The following PDGFD variants were observed in gnomAD, a reference collection of about 807,000 sequenced individuals.
The protein encoded by PDGFD is platelet-derived growth factor D.
PDGFD carries 30 observed loss-of-function variants against 44.7 expected under a neutral mutation model. The ratio of observed to expected loss-of-function variants is 0.67; its 90% CI spans 0.50 to 0.91. The LOEUF (loss-of-function observed/expected upper bound fraction) is 0.91. Among genes scored for constraint, PDGFD ranks in the 40% least tolerant of loss-of-function variants. The pLI is 0.00. For synonymous variants in PDGFD, 173 were observed against 168.4 expected, an observed-to-expected ratio of 1.03 and a Z score of -0.21; for missense variants, 445 against 457.8, an observed-to-expected ratio of 0.97 and a Z score of 0.25.
At chr11:104,022,889 G>A (rs1443006322) in intron 1 of PDGFD, among the ~76,000 whole-genome samples, 1 of 151,862 alleles carries the variant, frequency 6.6e-6, no homozygotes, top group Non-Finnish European at 1.5e-5. Flanking sequence ...ACACTATGTA[G>A]GTAGTAACTA....
intron 1 of PDGFD, among the ~76,000 whole-genome samples, chr11:104,152,728 C>CA (rs1353226509): frequency 6.6e-6 from 1 of 151,908 alleles, no homozygotes; most frequent in Non-Finnish European, 1.5e-5. Flanking sequence ...GATAATTCTC[C>CA]AAAATTAACC....
chr11:104,120,980 T>C (rs1173653057), intron 1 of PDGFD, among the ~76,000 whole-genome samples: 1 of 151,976 alleles, frequency 6.6e-6, no homozygotes, highest in East Asian at 1.9e-4. Context: ...TAAAACTGCA[T>C]TGACTAACCT....
intron 1 of PDGFD, among the ~76,000 whole-genome samples, chr11:104,072,727 A>G (rs992077896): frequency 5.3e-5 from 8 of 151,990 alleles, no homozygotes; most frequent in Admixed American, 5.2e-4. Context: ...TATATTTTAT[A>G]ATATGGAGTT....
chr11:103,925,716 C>CATATATATAT (rs370841769), intron 6 of PDGFD, among the ~76,000 whole-genome samples: 6 of 122,770 alleles, frequency 4.9e-5, no homozygotes, highest in African/African-American at 1.9e-4. Context: ...CACACACACA[C>CATATATATAT]ATATATATAT....
intron 1 of PDGFD, among the ~76,000 whole-genome samples, chr11:104,108,433 A>C (rs1861500341): frequency 6.6e-6 from 1 of 152,210 alleles, no homozygotes. Flanking sequence ...TTATGCAGCC[A>C]AAAGACACAT....
intron 1 of PDGFD, among the ~76,000 whole-genome samples, chr11:104,142,891 C>T (rs1862105731): frequency 6.6e-6 from 1 of 152,152 alleles, no homozygotes; most frequent in Non-Finnish European, 1.5e-5. Context: ...CGCCTGCATT[C>T]AGGGTGTCTG....
intron 1 of PDGFD, among the ~76,000 whole-genome samples, chr11:104,071,029 T>C (rs1259917940): frequency 2.0e-5 from 3 of 152,144 alleles, no homozygotes; most frequent in Non-Finnish European, 4.4e-5. Context: ...AAATGCCTGC[T>C]CCCTCACTGC....
chr11:103,947,662 T>C lies in PDGFD; in HGVS notation c.573A>G (p.Ser191=). 7 of 1,612,638 alleles carry C rather than the reference T, an allele frequency of 4.3e-6. No homozygotes were observed. Among genetic ancestry groups the C allele is most frequent in the Non-Finnish European group, 5.9e-6 (7 of 1,178,752 alleles). ...GGCAACAGAGTAATAAATTACTTACTGAAATAGAGCTTGTGACAGATTCCC... is the reference window on the plus strand; with the variant it reads ...GGCAACAGAGTAATAAATTACTTACCGAAATAGAGCTTGTGACAGATTCCC... The part of the protein sequence containing the change: ...TNWESVTSSI[S]GVSYNSPSVT... Residue 191 remains serine (S), a splice_region_variant and synonymous_variant, in exon 4 of 7, where the codon TCA becomes TCG. Coordinates refer to ENST00000393158, the MANE Select transcript of PDGFD (RefSeq NM_025208.5).
At chr11:104,038,802 G>A (rs1314745840) in intron 1 of PDGFD, 1 of 166,992 alleles carries the variant, frequency 6.0e-6, no homozygotes, top group Non-Finnish European at 1.5e-5. Flanking sequence ...GTACAGTGGT[G>A]GGAATGAGAG....
intron 6 of PDGFD, among the ~76,000 whole-genome samples, chr11:103,915,478 C>A (rs1013857103): frequency 6.6e-6 from 1 of 152,138 alleles, no homozygotes; most frequent in Admixed American, 6.6e-5. Flanking sequence ...ACATTCCATG[C>A]TCACAGATAG....
At chr11:103,966,009 T>C (rs982612381) in intron 3 of PDGFD, among the ~76,000 whole-genome samples, 2 of 152,094 alleles carry the variant, frequency 1.3e-5, no homozygotes, top group Admixed American at 1.3e-4. Context: ...TATTTCCAAA[T>C]AGGACAAGGA....
intron 3 of PDGFD, among the ~76,000 whole-genome samples, chr11:103,957,568 C>A (rs571192093): frequency 1.3e-5 from 2 of 152,214 alleles, no homozygotes; most frequent in Admixed American, 1.3e-4. Context: ...TGCCGCATAT[C>A]TACAACTATC....
chr11:104,090,772 T>G (rs531306997), intron 1 of PDGFD, among the ~76,000 whole-genome samples: 3 of 151,982 alleles, frequency 2.0e-5, no homozygotes, highest in Non-Finnish European at 2.9e-5. Context: ...TGGAATAAAT[T>G]ACTCTTTCTT....
intron 1 of PDGFD, among the ~76,000 whole-genome samples, chr11:104,062,086 G>GTCAAGCCTAAGTCCCA (rs987724199): frequency 9.9e-5 from 15 of 152,196 alleles, no homozygotes; most frequent in African/African-American, 3.6e-4. Flanking sequence ...TCAAGCCTAA[G>GTCAAGCCTAAGTCCCA]CTTTTCTGAG....
chr11:104,042,088 G>GAGCAAACA (rs1459219468), intron 1 of PDGFD, among the ~76,000 whole-genome samples: 2 of 152,150 alleles, frequency 1.3e-5, no homozygotes, highest in African/African-American at 4.8e-5. Flanking sequence ...CAAAGAAGAG[G>GAGCAAACA]AGCAAACATA....
At chr11:104,088,926 G>GA (rs5794292) in intron 1 of PDGFD, among the ~76,000 whole-genome samples, 137,001 of 149,856 alleles carry the variant, frequency 0.91, 62,651 homozygotes, top group East Asian at 0.98. Context: ...TGGGATGGGG[G>GA]AAAAAAAAAA....
intron 1 of PDGFD, among the ~76,000 whole-genome samples, chr11:104,052,305 T>G (rs946462663): frequency 6.6e-6 from 1 of 152,080 alleles, no homozygotes; most frequent in Admixed American, 6.6e-5. Context: ...TAAAACCCAG[T>G]AGAAATCCAG....
At chr11:104,131,247 A>C (rs959355252) in intron 1 of PDGFD, among the ~76,000 whole-genome samples, 2 of 152,188 alleles carry the variant, frequency 1.3e-5, no homozygotes, top group African/African-American at 4.8e-5. Flanking sequence ...AAAATATTTT[A>C]AATGGCAATC....
chr11:104,006,733 G>A (rs1169067043), intron 1 of PDGFD, among the ~76,000 whole-genome samples: 1 of 152,166 alleles, frequency 6.6e-6, no homozygotes, highest in East Asian at 1.9e-4. Context: ...TTCAGCTGGG[G>A]GCGGCTAGAG....
Sources: allele counts gnomAD v4.1 joint callset (sites outside exome capture counted in the v4.1 genomes callset), GRCh38; gene constraint gnomAD v4.1.1; transcripts MANE v1.5; gene names NCBI Gene and HGNC (gene_info 2026-07-23, HGNC 2026-07-21).